The following CBFB variants were observed in gnomAD, a reference collection of about 807,000 sequenced individuals.
The protein encoded by CBFB is core-binding factor subunit beta.
In CBFB, 9 loss-of-function variants were observed where a neutral mutation model predicts 30.4. The observed-to-expected ratio is 0.30, with a 90% CI of 0.18 to 0.52. The LOEUF is 0.52. Among genes scored for constraint, CBFB ranks in the 20% least tolerant of loss-of-function variants. CBFB has a pLI of 0.97. For missense variants in CBFB, 170 were observed against 244.0 expected, an observed-to-expected ratio of 0.70 and a Z score of 2.02; for synonymous variants, 94 against 84.0, an observed-to-expected ratio of 1.12 and a Z score of -0.65.
At chr16:67,031,852 G>C (rs1338953563) in intron 2 of CBFB, among the ~76,000 whole-genome samples, 1 of 151,220 alleles carries the variant, frequency 6.6e-6, no homozygotes, top group Non-Finnish European at 1.5e-5. Context: ...GTCTTGCTGT[G>C]TGGCCTAGGC....
In CBFB at chr16:67,092,698, C is replaced by CTTTTTTTTTTTTTTTTTTTTTT. The variant is rs777213321; in HGVS notation, c.496-6001_496-5980dup. On this transcript the variant is annotated intron_variant, in intron 5 of 5. Coordinates refer to ENST00000412916, the MANE Select transcript of CBFB (RefSeq NM_022845.3). ...CCAGGCTAGGTTACAGTGGTGCAATCTTTTTTTTTTTTTTTTTTTTTTTTT... is the reference window on the plus strand; with the variant it reads ...CCAGGCTAGGTTACAGTGGTGCAATCTTTTTTTTTTTTTTTTTTTTTTTTTTTTTTTTTTTTTTTTTTTTTTT... Among the ~76,000 whole-genome samples the CTTTTTTTTTTTTTTTTTTTTTT allele has an allele frequency of 9.0e-5, 3 of 33,492 alleles. 1 individual carries two copies. Among genetic ancestry groups the CTTTTTTTTTTTTTTTTTTTTTT allele is most frequent in the African/African-American group, 2.3e-4 (2 of 8,688 alleles). 22.0% of individuals were successfully genotyped at this position (33,492 alleles called of 152,430 possible).
At chr16:67,061,170 C>T (rs1373153868) in intron 3 of CBFB, among the ~76,000 whole-genome samples, 1 of 152,186 alleles carries the variant, frequency 6.6e-6, no homozygotes, top group East Asian at 1.9e-4. Flanking sequence ...TTGTGTTAAA[C>T]TAGCTTTTCC....
At chr16:67,041,962 C>T (rs1363161182) in intron 3 of CBFB, among the ~76,000 whole-genome samples, 1 of 149,470 alleles carries the variant, frequency 6.7e-6, no homozygotes, top group Non-Finnish European at 1.5e-5. Flanking sequence ...GGCTGGAGTA[C>T]AGTGGCGCCG....
rs909037218 is a variant in CBFB, at chr16:67,099,596, T to C, written c.*818T>C. ...AACTCTGTACTCTGCCCTAGATTGT[T>C]TTAGCTTCTGTTCTGTAATCATGAG... On this transcript the variant is annotated 3_prime_UTR_variant, in exon 6 of 6. Coordinates refer to ENST00000412916, the MANE Select transcript of CBFB (RefSeq NM_022845.3). The C allele has an allele frequency of 1.5e-5, 3 of 201,834 alleles. No homozygotes were observed. The highest frequency in any genetic ancestry group is 6.9e-5 in the African/African-American group (3 of 43,582). The allele number at this position is 201,834 out of a possible 1,614,324, so 12.5% of individuals were successfully genotyped here.
intron 2 of CBFB, 59 bp downstream of exon 2, chr16:67,029,872 C>T (rs929326299): frequency 2.4e-6 from 3 of 1,251,052 alleles, no homozygotes; most frequent in East Asian, 6.0e-5. Context: ...CGCGGCGGCC[C>T]AGGCCGGTTC....
At chr16:67,050,195 ATAT>A (rs1194659797) in intron 3 of CBFB, among the ~76,000 whole-genome samples, 3 of 147,744 alleles carry the variant, frequency 2.0e-5, no homozygotes, top group Non-Finnish European at 3.0e-5. Flanking sequence ...GATATATATA[ATAT>A]ATGTTATATA....
chr16:67,062,168 A>C (rs1161817185), intron 3 of CBFB, among the ~76,000 whole-genome samples: 1 of 151,998 alleles, frequency 6.6e-6, no homozygotes, highest in African/African-American at 2.4e-5. Flanking sequence ...TAATTTTATA[A>C]GGAAATTTTT....
chr16:67,094,384 T>A (rs1430084955), intron 5 of CBFB, among the ~76,000 whole-genome samples: 1 of 152,198 alleles, frequency 6.6e-6, no homozygotes, highest in Non-Finnish European at 1.5e-5. Context: ...TCTTTACTCC[T>A]GTTCTCTGTG....
intron 3 of CBFB, among the ~76,000 whole-genome samples, chr16:67,037,212 A>G (rs1966456104): frequency 6.6e-6 from 1 of 152,160 alleles, no homozygotes; most frequent in African/African-American, 2.4e-5. Context: ...AATTTTTTAA[A>G]ACCACTGTTA....
chr16:67,052,971 G>T (rs1289447398), intron 3 of CBFB, among the ~76,000 whole-genome samples: 2 of 149,918 alleles, frequency 1.3e-5, no homozygotes, highest in Admixed American at 6.7e-5. Context: ...CAAGGCTGCA[G>T]TGAGCCGTGT....
At chr16:67,040,698 G>A (rs1041983348) in intron 3 of CBFB, among the ~76,000 whole-genome samples, 4 of 152,158 alleles carry the variant, frequency 2.6e-5, no homozygotes, top group African/African-American at 9.7e-5. Context: ...TACATAATAA[G>A]TTATGTAATA....
chr16:67,051,940 C>T (rs1274978514), intron 3 of CBFB, among the ~76,000 whole-genome samples: 1 of 151,376 alleles, frequency 6.6e-6, no homozygotes, highest in Non-Finnish European at 1.5e-5. Context: ...CACACACACA[C>T]ACACGCATAC....
At chr16:67,063,466 G>A (rs1960967346) in intron 3 of CBFB, among the ~76,000 whole-genome samples, 1 of 151,660 alleles carries the variant, frequency 6.6e-6, no homozygotes, top group Non-Finnish European at 1.5e-5. Flanking sequence ...TTTTGAGACA[G>A]AGTCTTGCTC....
intron 4 of CBFB, among the ~76,000 whole-genome samples, chr16:67,074,707 A>T (rs967506558): frequency 1.3e-4 from 20 of 152,174 alleles, no homozygotes; most frequent in African/African-American, 4.8e-4. Flanking sequence ...TTAAAGGAAA[A>T]TGAGAAGATC....
rs536008463 is a variant in CBFB, at chr16:67,076,429, G to A, written c.400-5784G>A. The stretch of plus-strand genomic sequence containing the variant: ...AAAAACATCACATGTTATATGAATC[G>A]ATTTATGTAAAAGTACAAAATCAGG... On this transcript the variant is annotated intron_variant, in intron 4 of 5. Transcript: ENST00000412916. Among the ~76,000 whole-genome samples, 25 of 152,120 alleles carry A rather than the reference G, an allele frequency of 1.6e-4. No individual in the cohort carries two copies. The South Asian group carries it at 3.1e-3, about 19-fold the overall frequency.
intron 2 of CBFB, among the ~76,000 whole-genome samples, chr16:67,031,909 C>G (rs1966357392): frequency 6.6e-6 from 1 of 151,974 alleles, no homozygotes; most frequent in Non-Finnish European, 1.5e-5. Context: ...GCACTACAGC[C>G]TCAAACTTCT....
chr16:67,098,674 A>G (rs761245016), intron 5 of CBFB, 36 bp from the exon 6 acceptor site: 1 of 1,308,502 alleles, frequency 7.6e-7, no homozygotes, highest in Non-Finnish European at 1.1e-6. Context: ...TTGTCAAAAC[A>G]CTTTTTGACC....
At chr16:67,031,164 A>G (rs1383501734) in intron 2 of CBFB, among the ~76,000 whole-genome samples, 1 of 152,228 alleles carries the variant, frequency 6.6e-6, no homozygotes, top group African/African-American at 2.4e-5. Flanking sequence ...TTTTAAGTGA[A>G]AGCTTTTTAG....
At chr16:67,036,507 G>GTT in intron 2 of CBFB, 132 bp from the exon 3 acceptor site, 1 of 585,460 alleles carries the variant, frequency 1.7e-6, no homozygotes, top group Non-Finnish European at 3.1e-6. Flanking sequence ...ATGAGTGCAT[G>GTT]TTTTTTTTTA....
Sources: allele counts gnomAD v4.1 joint callset (sites outside exome capture counted in the v4.1 genomes callset), GRCh38; gene constraint gnomAD v4.1.1; transcripts MANE v1.5; gene names NCBI Gene and HGNC (gene_info 2026-07-23, HGNC 2026-07-21).